The following KIF16B variants were observed in gnomAD, a reference collection of about 807,000 sequenced individuals.
The protein encoded by KIF16B is kinesin-like protein KIF16B.
KIF16B carries 98 observed loss-of-function variants against 156.3 expected under a neutral mutation model. The ratio of observed to expected loss-of-function variants is 0.63; its 90% CI spans 0.53 to 0.74. The LOEUF is 0.74. Among genes scored for constraint, KIF16B ranks in the 30% least tolerant of loss-of-function variants. The pLI, the probability that KIF16B is intolerant of heterozygous loss-of-function variation, is 0.00. For synonymous variants in KIF16B, 564 were observed against 583.7 expected (o/e 0.97, Z 0.49); for missense variants, 1,421 against 1,606.5 (o/e 0.88, Z 1.97).
At chr20:16,353,705 C>T (rs2064382937) in intron 23 of KIF16B, among the ~76,000 whole-genome samples, 2 of 152,164 alleles carry the variant, frequency 1.3e-5, no homozygotes, top group Non-Finnish European at 2.9e-5. Flanking sequence ...TATTTAGCAG[C>T]TACCTCTTTG....
intron 12 of KIF16B, among the ~76,000 whole-genome samples, chr20:16,479,950 T>C (rs1205039164): frequency 6.6e-6 from 1 of 152,158 alleles, no homozygotes; most frequent in Non-Finnish European, 1.5e-5. Context: ...TAAACAACAC[T>C]AAGCTTTCAG....
At chr20:16,300,696 G>C (rs1040535399) in intron 25 of KIF16B, among the ~76,000 whole-genome samples, 2 of 152,084 alleles carry the variant, frequency 1.3e-5, no homozygotes, top group African/African-American at 4.8e-5. Context: ...CTTAGTTTTA[G>C]AGGTTGTTAG....
chr20:16,537,102 T>G (rs1490226549), intron 1 of KIF16B, among the ~76,000 whole-genome samples: 2 of 149,300 alleles, frequency 1.3e-5, no homozygotes, highest in Non-Finnish European at 3.0e-5. Flanking sequence ...CTCCATCGTC[T>G]GCTGCCAGAG....
Position 16,379,902 on chromosome 20 carries a change from C to G in KIF16B, c.2100G>C (p.Glu700Asp), listed in dbSNP as rs1568913630. The change falls in exon 19 of 26, where the codon GAG (glutamate) becomes GAC (aspartate). Residue 700 changes from glutamate to aspartate, a missense_variant. By Grantham distance (45) the Glu-to-Asp change is conservative (BLOSUM62 2). Transcript: ENST00000354981. ...IELQKKRQEE[E>D]TFLRVQEELQ... Reference sequence around the variant, plus strand: ...GTTCTTCTTGGACGCGGAGAAAGGTCTCTTCTTCTTGTCTCTTCTTCTGCA... The same window carrying G: ...GTTCTTCTTGGACGCGGAGAAAGGTGTCTTCTTCTTGTCTCTTCTTCTGCA... 6.2e-7 allele frequency: 1 copy of G among 1,614,148 alleles called. No individual in the cohort carries two copies. The highest frequency in any genetic ancestry group is 1.7e-5 in the Admixed American group (1 of 60,018).
Position 16,404,814 on chromosome 20 carries a change from C to T in KIF16B, c.1783G>A (p.Gly595Arg), listed in dbSNP as rs1451930984. 7 of 1,609,348 alleles carry T rather than the reference C, an allele frequency of 4.3e-6. No individual in the cohort carries two copies. The highest frequency in any genetic ancestry group is 1.3e-5 in the African/African-American group (1 of 74,842). ...NLSAVMLYNP[G>R]LEFERQQREE... ...AAGGAGATGCTGCTGTTCACTCACC[C>T]GGGGTTATACAACATGACTGCAGAC... Residue 595 changes from glycine (G) to arginine (R), a missense_variant and splice_region_variant, in exon 17 of 26, where the codon GGA becomes AGA. Transcript: ENST00000354981.
At position 16,487,114 on chromosome 20, in the gene KIF16B, G is replaced by A. The variant is rs145646699; in HGVS notation, c.1302+7177C>T. On this transcript the variant is annotated intron_variant, in intron 12 of 25. Coordinates refer to ENST00000354981, the MANE Select transcript of KIF16B (RefSeq NM_024704.5). ...TAAAAATACAAAAAATTAGCTGGGC[G>A]TGGTGGTGGGTGCCTGTATTCCCAG... is the stretch of plus-strand genomic sequence containing the variant. 2.3e-3 allele frequency among the ~76,000 whole-genome samples: 343 copies of A among 152,098 alleles called. 2 individuals are homozygous for A. The highest frequency in any genetic ancestry group is 7.4e-3 in the African/African-American group (306 of 41,498).
At chr20:16,491,260 C>T (rs1270998545) in intron 12 of KIF16B, among the ~76,000 whole-genome samples, 3 of 152,020 alleles carry the variant, frequency 2.0e-5, no homozygotes, top group Non-Finnish European at 4.4e-5. Context: ...TCTGGCAGGG[C>T]GGGGACTCCA....
intron 12 of KIF16B, among the ~76,000 whole-genome samples, chr20:16,440,770 G>A (rs2066777971): frequency 6.6e-6 from 1 of 152,018 alleles, no homozygotes; most frequent in South Asian, 2.1e-4. Flanking sequence ...AAACTCTTGG[G>A]GCAGTTCAAT....
intron 25 of KIF16B, among the ~76,000 whole-genome samples, chr20:16,291,840 C>T (rs1299093475): frequency 1.3e-5 from 2 of 152,126 alleles, no homozygotes; most frequent in Non-Finnish European, 2.9e-5. Flanking sequence ...GAAAGGTGAA[C>T]ATATACTAAG....
At chr20:16,559,094 C>A in intron 1 of KIF16B, among the ~76,000 whole-genome samples, 1 of 152,026 alleles carries the variant, frequency 6.6e-6, no homozygotes, top group Non-Finnish European at 1.5e-5. Flanking sequence ...ATTGAGTTTG[C>A]AACCCTTGTA....
At chr20:16,476,189 A>C (rs1235720680) in intron 12 of KIF16B, among the ~76,000 whole-genome samples, 2 of 152,232 alleles carry the variant, frequency 1.3e-5, no homozygotes, top group Non-Finnish European at 2.9e-5. Flanking sequence ...CAGTCTGTAG[A>C]ACAACATTTA....
At chr20:16,368,147 T>C in intron 22 of KIF16B, 2 of 1,138,910 alleles carry the variant, frequency 1.8e-6, no homozygotes, top group Admixed American at 4.5e-5. Context: ...AGAAGGTCTT[T>C]TAAAGGGCAC....
intron 23 of KIF16B, among the ~76,000 whole-genome samples, chr20:16,354,231 A>C (rs938564908): frequency 6.6e-6 from 1 of 152,158 alleles, no homozygotes; most frequent in Admixed American, 6.5e-5. Context: ...TCTATACATG[A>C]AATTGATTTA....
chr20:16,348,652 A>G (rs1429743259), intron 23 of KIF16B, among the ~76,000 whole-genome samples: 1 of 152,184 alleles, frequency 6.6e-6, no homozygotes, highest in African/African-American at 2.4e-5. Context: ...GATGCAGCTA[A>G]TTAGTGTTAA....
intron 12 of KIF16B, among the ~76,000 whole-genome samples, chr20:16,475,120 C>T (rs1336902483): frequency 6.6e-6 from 1 of 152,174 alleles, no homozygotes; most frequent in East Asian, 1.9e-4. Flanking sequence ...AAATATTTTT[C>T]TTCATCTCGA....
chr20:16,538,647 G>T (rs940334756), intron 1 of KIF16B, among the ~76,000 whole-genome samples: 17 of 152,180 alleles, frequency 1.1e-4, no homozygotes, highest in Non-Finnish European at 7.3e-5. Flanking sequence ...ACCAGGAAAA[G>T]AGATAAATTA....
intron 25 of KIF16B, among the ~76,000 whole-genome samples, chr20:16,274,410 G>C (rs2063030610): frequency 6.6e-6 from 1 of 152,204 alleles, no homozygotes; most frequent in Admixed American, 6.5e-5. Context: ...AAAATCAGAT[G>C]TGGGAGCTGG....
intron 23 of KIF16B, among the ~76,000 whole-genome samples, chr20:16,345,946 C>A (rs1247507300): frequency 6.6e-6 from 1 of 152,254 alleles, no homozygotes; most frequent in African/African-American, 2.4e-5. Context: ...GGAACGTTCA[C>A]CGGCTTCTCC....
intron 25 of KIF16B, among the ~76,000 whole-genome samples, chr20:16,274,537 T>C (rs2063032436): frequency 1.3e-5 from 2 of 152,250 alleles, no homozygotes; most frequent in African/African-American, 4.8e-5. Flanking sequence ...CAAACCTTTA[T>C]TATTGTCTCA....
Sources: gnomAD v4.1 joint callset for allele counts (sites outside exome capture counted in the v4.1 genomes callset) on GRCh38, gnomAD v4.1.1 for gene constraint, MANE v1.5 for transcripts, NCBI Gene and HGNC (gene_info 2026-07-23, HGNC 2026-07-21) for gene names.